The following CUBN variants were observed in gnomAD, a reference collection of about 807,000 sequenced individuals.
CUBN encodes 460 kDa receptor.
A neutral mutation model predicts 405.3 loss-of-function variants in CUBN; 282 were observed. That is an observed-to-expected ratio of 0.70 (90% CI 0.63 to 0.77). The LOEUF is 0.77. Ranked by LOEUF, CUBN falls within the 30% of genes least tolerant of loss-of-function variation. The pLI, the probability that CUBN is intolerant of heterozygous loss-of-function variation, is 0.00. For synonymous variants in CUBN, 1,684 were observed against 1,617.0 expected (o/e 1.04, Z -0.99); for missense variants, 4,514 against 4,475.2 (o/e 1.01, Z -0.25).
chr10:16,837,866 C>T (rs1467584545), intron 62 of CUBN, among the ~76,000 whole-genome samples: 1 of 152,176 alleles, frequency 6.6e-6, no homozygotes, highest in Non-Finnish European at 1.5e-5. Context: ...GGGTCTTACT[C>T]GAGGCTGCTC....
At chr10:16,878,627 A>T (rs1257182077) in intron 56 of CUBN, among the ~76,000 whole-genome samples, 2 of 152,130 alleles carry the variant, frequency 1.3e-5, no homozygotes, top group African/African-American at 4.8e-5. Context: ...CTCCCACAAC[A>T]TTTTTGGCAT....
intron 28 of CUBN, among the ~76,000 whole-genome samples, chr10:17,019,386 T>C (rs7074849): frequency 0.26 from 39,569 of 151,836 alleles, 5,897 homozygotes; most frequent in East Asian, 0.43. Flanking sequence ...ACCCCTTCCT[T>C]TTCCCCATCC....
intron 64 of CUBN, among the ~76,000 whole-genome samples, chr10:16,832,437 G>A (rs1279906102): frequency 6.6e-6 from 1 of 152,162 alleles, no homozygotes; most frequent in East Asian, 1.9e-4. Flanking sequence ...TAGCCCATGG[G>A]AGAGAATAAT....
At chr10:17,025,320 A>G (rs1025512759) in intron 27 of CUBN, among the ~76,000 whole-genome samples, 6 of 152,226 alleles carry the variant, frequency 3.9e-5, no homozygotes, top group Non-Finnish European at 8.8e-5. Flanking sequence ...CAAGCAGGAA[A>G]GCAATTTTAT....
intron 57 of CUBN, among the ~76,000 whole-genome samples, chr10:16,874,996 T>C (rs1285980903): frequency 2.6e-5 from 4 of 152,046 alleles, no homozygotes; most frequent in African/African-American, 9.7e-5. Flanking sequence ...CTACTGGAAA[T>C]CATTTTTGGA....
At chr10:17,006,316 T>C (rs1308374736) in intron 28 of CUBN, among the ~76,000 whole-genome samples, 1 of 152,224 alleles carries the variant, frequency 6.6e-6, no homozygotes, top group African/African-American at 2.4e-5. Flanking sequence ...TTCACAGTTG[T>C]AGCTGCCTGT....
At position 17,045,040 on chromosome 10, in the gene CUBN, C is replaced by A; in HGVS notation, c.3639G>T (p.Glu1213Asp). The change falls in exon 25 of 67, where the codon GAG becomes GAT. Residue 1213 changes from glutamate (E) to aspartate (D), a missense_variant. This residue lies in a region of CUBN where 242 missense variants were observed against 309.0 expected (regional missense o/e 0.78). Coordinates refer to ENST00000377833, the MANE Select transcript of CUBN (RefSeq NM_001081.4). Reference protein sequence around the residue: ...FELEFKDFHLEHHPNCTLDYL... With the variant: ...FELEFKDFHLDHHPNCTLDYL... ...AATCTAAAGTGCAGTTTGGATGATG[C>A]TCCAAGTGAAAGTCTTTGAATTCCA... 1 of 1,614,034 alleles carries A rather than the reference C, an allele frequency of 6.2e-7. No individual in the cohort carries two copies. The highest frequency in any genetic ancestry group is 1.6e-4 in the Middle Eastern group (1 of 6,062).
At chr10:16,955,281 G>T (rs1048754337) in intron 31 of CUBN, among the ~76,000 whole-genome samples, 2 of 149,310 alleles carry the variant, frequency 1.3e-5, no homozygotes, top group Non-Finnish European at 3.0e-5. Context: ...GCTGAGGCAG[G>T]AGAATTGCTT....
chr10:17,127,431 ATTTTTTTTT>A (rs71268608), intron 3 of CUBN, among the ~76,000 whole-genome samples: 2 of 85,924 alleles, frequency 2.3e-5, no homozygotes, highest in East Asian at 3.4e-4. Flanking sequence ...ATGCCCAGCT[ATTTTTTTTT>A]TTTTTTTTTT....
At position 16,946,536 on chromosome 10, in the gene CUBN, C is replaced by G. The variant is rs1218554141; in HGVS notation, c.5342+699G>C. Among the ~76,000 whole-genome samples, 6 of 145,912 alleles carry G rather than the reference C, an allele frequency of 4.1e-5. No homozygotes were observed. In the East Asian group the frequency reaches 1.2e-3, roughly 29 times the overall value. On this transcript the variant is annotated intron_variant, in intron 36 of 66. Coordinates refer to ENST00000377833, the MANE Select transcript of CUBN (RefSeq NM_001081.4). ...TTTAAGATGGAGTCTCACTCTGTTG[C>G]CCAAGCTGGAGTGCAGTGGCTCAAT...
chr10:17,110,845 C>T lies in CUBN; in HGVS notation c.1015+74G>A, dbSNP rs116663212. 252 of 1,598,848 alleles carry T rather than the reference C, an allele frequency of 1.6e-4. No individual in the cohort carries two copies. In the African/African-American group the frequency reaches 3.0e-3, roughly 19 times the overall value. ...GCCAGAAATCATATTTTAAATGGAG[C>T]ACTAGATTCCGTATTCCTATGTCTG... On this transcript the variant is annotated intron_variant, in intron 9 of 66. Coordinates refer to ENST00000377833, the MANE Select transcript of CUBN (RefSeq NM_001081.4).
intron 59 of CUBN, among the ~76,000 whole-genome samples, chr10:16,856,225 C>T (rs1420544010): frequency 6.6e-6 from 1 of 152,134 alleles, no homozygotes; most frequent in Non-Finnish European, 1.5e-5. Context: ...CATTACTACA[C>T]ATTTTGGGGC....
chr10:16,963,240 G>T (rs1843290183), intron 31 of CUBN, among the ~76,000 whole-genome samples: 1 of 121,430 alleles, frequency 8.2e-6, no homozygotes, highest in Non-Finnish European at 1.6e-5. Context: ...TGTCACCCAG[G>T]TTGGAGTGCA....
At chr10:16,858,654 C>T (rs572993988) in intron 59 of CUBN, among the ~76,000 whole-genome samples, 1 of 152,254 alleles carries the variant, frequency 6.6e-6, no homozygotes, top group Admixed American at 6.5e-5. Context: ...AAGGCACAGG[C>T]CTTCAAATAG....
intron 56 of CUBN, among the ~76,000 whole-genome samples, chr10:16,887,780 TTC>T (rs1215966213): frequency 6.6e-6 from 1 of 152,204 alleles, no homozygotes; most frequent in Admixed American, 6.5e-5. Flanking sequence ...TACTGTCGTG[TTC>T]ATTGCAGCAT....
chr10:16,957,995 G>A (rs187295853), intron 31 of CUBN, among the ~76,000 whole-genome samples: 5 of 151,970 alleles, frequency 3.3e-5, no homozygotes, highest in South Asian at 4.1e-4. Flanking sequence ...AAATTCAAAG[G>A]TCCAAGGAAT....
chr10:16,955,481 C>A (rs987475647), intron 31 of CUBN, among the ~76,000 whole-genome samples: 1 of 151,966 alleles, frequency 6.6e-6, no homozygotes, highest in Non-Finnish European at 1.5e-5. Flanking sequence ...AGCTGACCCT[C>A]CAGGCATGTA....
intron 31 of CUBN, among the ~76,000 whole-genome samples, chr10:16,964,088 C>A (rs542870541): frequency 6.6e-6 from 1 of 152,046 alleles, no homozygotes; most frequent in African/African-American, 2.4e-5. Context: ...TTTGGCCAGT[C>A]TGGACAGGGA....
intron 51 of CUBN, among the ~76,000 whole-genome samples, 181 bp from the exon 52 acceptor site, chr10:16,901,640 G>A (rs1050225385): frequency 6.6e-6 from 1 of 151,958 alleles, no homozygotes; most frequent in Non-Finnish European, 1.5e-5. Context: ...AATCACCCGA[G>A]GTCAGGAGCT....
Sources: allele counts gnomAD v4.1 joint callset (sites outside exome capture counted in the v4.1 genomes callset), GRCh38; gene constraint gnomAD v4.1.1; regional missense constraint gnomAD v4.1.1; transcripts MANE v1.5; gene names NCBI Gene and HGNC (gene_info 2026-07-23, HGNC 2026-07-21).